Variants in NRG3 observed in about 807,000 individuals in gnomAD.
The protein encoded by NRG3 is neuregulin 3, also known as pro-neuregulin-3, membrane-bound isoform.
Under a neutral mutation model 66.9 loss-of-function variants are expected in NRG3, and 31 were observed. The observed-to-expected ratio is 0.46, with a 90% confidence interval of 0.35 to 0.63. The LOEUF (loss-of-function observed/expected upper bound fraction) is 0.63, where lower values mean the gene tolerates loss of function less well. NRG3 is among the 20% of genes least tolerant of loss of function. The pLI is 0.00. For missense variants in NRG3, 910 were observed against 878.9 expected (o/e 1.04, Z -0.45); for synonymous variants, 393 against 359.4 (o/e 1.09, Z -1.06).
chr10:82,661,579 G>A (rs539359623), intron 2 of NRG3, among the ~76,000 whole-genome samples: 16 of 152,116 alleles, frequency 1.1e-4, no homozygotes, highest in African/African-American at 3.6e-4. Flanking sequence ...TGGTACTCTG[G>A]TATATTTGTG....
intron 1 of NRG3, among the ~76,000 whole-genome samples, chr10:81,978,342 T>A (rs977983823): frequency 3.9e-5 from 6 of 152,204 alleles, no homozygotes; most frequent in African/African-American, 1.4e-4. Context: ...TGCCCTTTAT[T>A]ATGGCATAAT....
chr10:82,957,934 T>C (rs934381546), intron 5 of NRG3, among the ~76,000 whole-genome samples: 2 of 151,574 alleles, frequency 1.3e-5, no homozygotes, highest in African/African-American at 4.8e-5. Flanking sequence ...GTGTTGTGTT[T>C]AATGGGTACC....
At chr10:82,656,213 T>A (rs1418705127) in intron 2 of NRG3, among the ~76,000 whole-genome samples, 2 of 152,004 alleles carry the variant, frequency 1.3e-5, no homozygotes, top group South Asian at 2.1e-4. Flanking sequence ...GACAAAAAAA[T>A]TGAGCAATAT....
At chr10:82,757,271 C>G (rs533359703) in intron 3 of NRG3, among the ~76,000 whole-genome samples, 40 of 152,160 alleles carry the variant, frequency 2.6e-4, no homozygotes, top group African/African-American at 9.4e-4. Context: ...GAAGCCCCAA[C>G]CACTGTTCTA....
intron 3 of NRG3, among the ~76,000 whole-genome samples, chr10:82,741,579 A>T (rs1246392046): frequency 6.6e-6 from 1 of 152,182 alleles, no homozygotes; most frequent in Non-Finnish European, 1.5e-5. Flanking sequence ...CTTTACATGG[A>T]TTATTTTATT....
At chr10:82,093,593 A>G (rs766034977) in intron 1 of NRG3, among the ~76,000 whole-genome samples, 3 of 152,304 alleles carry the variant, frequency 2.0e-5, no homozygotes, top group South Asian at 2.1e-4. Context: ...CTCATTGCTC[A>G]TATGCCAGGT....
chr10:82,068,905 C>A (rs1435055402), intron 1 of NRG3, among the ~76,000 whole-genome samples: 1 of 152,114 alleles, frequency 6.6e-6, no homozygotes, highest in Non-Finnish European at 1.5e-5. Flanking sequence ...ACATTGAGTA[C>A]TGCTTTCAAT....
intron 1 of NRG3, among the ~76,000 whole-genome samples, chr10:81,984,889 A>G (rs2060465095): frequency 6.6e-6 from 1 of 152,246 alleles, no homozygotes; most frequent in South Asian, 2.1e-4. Flanking sequence ...TGTGCTAATA[A>G]CAGGAGAAAA....
At chr10:82,208,828 G>T (rs1457092113) in intron 1 of NRG3, among the ~76,000 whole-genome samples, 1 of 152,012 alleles carries the variant, frequency 6.6e-6, no homozygotes, top group African/African-American at 2.4e-5. Context: ...GCAAGCTGTT[G>T]GTGTAATATA....
At chr10:81,998,581 A>G (rs890029501) in intron 1 of NRG3, among the ~76,000 whole-genome samples, 2 of 152,174 alleles carry the variant, frequency 1.3e-5, no homozygotes, top group African/African-American at 4.8e-5. Context: ...ATCTGGGTAA[A>G]TAAGGCTAAT....
intron 1 of NRG3, among the ~76,000 whole-genome samples, chr10:82,277,739 T>C (rs1257220143): frequency 2.6e-5 from 4 of 152,112 alleles, no homozygotes; most frequent in Non-Finnish European, 4.4e-5. Context: ...GTATTCTGTC[T>C]AAAGTTGCTC....
intron 2 of NRG3, among the ~76,000 whole-genome samples, chr10:82,547,614 T>C (rs1360134101): frequency 6.6e-6 from 1 of 151,538 alleles, no homozygotes; most frequent in Non-Finnish European, 1.5e-5. Context: ...TATATGTACA[T>C]ATACATATAT....
At chr10:81,899,951 G>A (rs1843876928) in intron 1 of NRG3, among the ~76,000 whole-genome samples, 1 of 151,870 alleles carries the variant, frequency 6.6e-6, no homozygotes, top group Non-Finnish European at 1.5e-5. Context: ...AAACATGTAT[G>A]GCACCCTAGG....
At chr10:82,052,118 A>G (rs1197011270) in intron 1 of NRG3, among the ~76,000 whole-genome samples, 1 of 151,960 alleles carries the variant, frequency 6.6e-6, no homozygotes, top group Non-Finnish European at 1.5e-5. Flanking sequence ...CTCATAAGCA[A>G]TGTGCAAGTT....
chr10:82,513,374 G>A (rs1845370775), intron 2 of NRG3, among the ~76,000 whole-genome samples: 1 of 152,146 alleles, frequency 6.6e-6, no homozygotes, highest in African/African-American at 2.4e-5. Context: ...CATTTAGGTT[G>A]ACTCCATGTC....
chr10:82,899,275 T>A (rs1843980261), intron 4 of NRG3, among the ~76,000 whole-genome samples: 1 of 152,138 alleles, frequency 6.6e-6, no homozygotes, highest in Non-Finnish European at 1.5e-5. Context: ...TGCCATCTGT[T>A]CTAGGCCTCT....
intron 1 of NRG3, among the ~76,000 whole-genome samples, chr10:81,911,057 A>T (rs1050772137): frequency 1.3e-5 from 2 of 152,170 alleles, no homozygotes; most frequent in African/African-American, 2.4e-5. Context: ...AATTTGTGCC[A>T]GCAGATTTTT....
intron 4 of NRG3, among the ~76,000 whole-genome samples, chr10:82,911,962 T>G (rs1845363344): frequency 6.6e-6 from 1 of 152,142 alleles, no homozygotes; most frequent in South Asian, 2.1e-4. Context: ...TCATTTTTAT[T>G]TCAAATTTCT....
chr10:81,963,315 A>G (rs1049973254), intron 1 of NRG3, among the ~76,000 whole-genome samples: 6 of 150,158 alleles, frequency 4.0e-5, no homozygotes, highest in African/African-American at 1.5e-4. Flanking sequence ...TTGTATTTTT[A>G]GTAGAGACGG....
Sources: gnomAD v4.1 joint callset for allele counts (sites outside exome capture counted in the v4.1 genomes callset) on GRCh38, gnomAD v4.1.1 for gene constraint, MANE v1.5 for transcripts, NCBI Gene and HGNC (gene_info 2026-07-23, HGNC 2026-07-21) for gene names.